CHST8: variants seen among roughly 807,000 people sequenced by gnomAD.
The protein encoded by CHST8 is GALNAC-4-ST1.
In CHST8, 10 loss-of-function variants were observed where a neutral mutation model predicts 15.0. The observed-to-expected ratio is 0.67, with a 90% CI of 0.41 to 1.13. CHST8 has a LOEUF of 1.13. Ranked by LOEUF, CHST8 falls within the 50% of genes most tolerant of loss-of-function variation. The pLI is 0.00. For synonymous variants in CHST8, 259 were observed against 256.6 expected, an observed-to-expected ratio of 1.01 and a Z score of -0.09; for missense variants, 634 against 608.2, an observed-to-expected ratio of 1.04 and a Z score of -0.45.
At chr19:33,623,050 C>G (rs1972006185) in intron 1 of CHST8, among the ~76,000 whole-genome samples, 3 of 152,294 alleles carry the variant, frequency 2.0e-5, no homozygotes, top group South Asian at 2.1e-4. Context: ...GGAGGCCAGC[C>G]GGGCCAGGAG....
chr19:33,770,079 C>T (rs1022670740), intron 3 of CHST8, among the ~76,000 whole-genome samples: 1 of 152,120 alleles, frequency 6.6e-6, no homozygotes, highest in Admixed American at 6.5e-5. Flanking sequence ...ACGGCCTCAG[C>T]CTTACATTGT....
In CHST8 at chr19:33,742,481, C is replaced by T. The variant is rs1404779301; in HGVS notation, c.131-28932C>T. On this transcript the variant is annotated intron_variant, in intron 3 of 4. Coordinates refer to ENST00000650847, the MANE Select transcript of CHST8 (RefSeq NM_001127895.2). ...CAGACTCTTTTAAACAACCAGTTTT[C>T]ATGTGAGTTGACAGAGCAAGAACTC... Among the ~76,000 whole-genome samples the T allele has an allele frequency of 4.6e-5, 7 of 152,266 alleles. No homozygotes were observed. The East Asian group carries it at 1.2e-3, about 25-fold the overall frequency.
rs1568359100 is a variant in CHST8 at position 33,757,587 on chromosome 19, A to AGAAAGAAG, written c.131-13819_131-13818insGGAAAGAA. Reference sequence around the variant, plus strand: ...AAGAAAGAAAGAAAGAAAGAAAGAAAGAAAGAAAGAAAGAAAGAGCCGGCC... The same window carrying AGAAAGAAG: ...AAGAAAGAAAGAAAGAAAGAAAGAAAGAAAGAAGGAAAGAAAGAAAGAAAGAGCCGGCC... On this transcript the variant is annotated intron_variant, in intron 3 of 4. Transcript: ENST00000650847. Among the ~76,000 whole-genome samples, 16 of 144,200 alleles carry AGAAAGAAG rather than the reference A, an allele frequency of 1.1e-4. 1 individual carries two copies. Among genetic ancestry groups the AGAAAGAAG allele is most frequent in the Non-Finnish European group, 2.2e-4 (14 of 65,106 alleles). The allele number at this position is 144,200 out of a possible 152,430, so 94.6% of individuals were successfully genotyped here.
intron 3 of CHST8, among the ~76,000 whole-genome samples, chr19:33,701,858 G>C (rs1973343184): frequency 6.6e-6 from 1 of 152,158 alleles, no homozygotes; most frequent in Non-Finnish European, 1.5e-5. Context: ...TTTACCCAAA[G>C]TCCTGAAGCC....
At chr19:33,761,834 A>G (rs904937820) in intron 3 of CHST8, among the ~76,000 whole-genome samples, 1 of 152,074 alleles carries the variant, frequency 6.6e-6, no homozygotes, top group African/African-American at 2.4e-5. Flanking sequence ...CACTGTCTCA[A>G]AAAAGAAAGG....
chr19:33,673,397 G>A (rs1368373589), intron 2 of CHST8, among the ~76,000 whole-genome samples: 1 of 152,252 alleles, frequency 6.6e-6, no homozygotes, highest in Non-Finnish European at 1.5e-5. Context: ...GACGTTGGCG[G>A]GGACCTAAGG....
chr19:33,772,389 G>A lies in CHST8; in HGVS notation c.601G>A (p.Gly201Ser), dbSNP rs777428741. 1.2e-6 allele frequency: 2 copies of A among 1,609,294 alleles called. No homozygotes were observed. Among genetic ancestry groups the A allele is most frequent in the African/African-American group, 1.3e-5 (1 of 74,934 alleles). Residue 201 changes from glycine (G) to serine (S), a missense_variant, in exon 5 of 5, where the codon GGC becomes AGC. Transcript: ENST00000650847. ...GCTCTACTGCGAGGTGCCCAAGGCC[G>A]GCTGCTCCAATTGGAAGCGGGTGCT... ...RVLYCEVPKAGCSNWKRVLMV... is the reference protein window; with the variant it reads ...RVLYCEVPKASCSNWKRVLMV...
intron 3 of CHST8, among the ~76,000 whole-genome samples, chr19:33,693,794 A>G (rs912842716): frequency 4.6e-5 from 7 of 151,758 alleles, no homozygotes; most frequent in Admixed American, 4.6e-4. Context: ...ACAGGAATTC[A>G]TGGGTGGTTC....
intron 3 of CHST8, among the ~76,000 whole-genome samples, chr19:33,766,930 A>C (rs1361536176): frequency 2.6e-5 from 4 of 152,244 alleles, no homozygotes; most frequent in Non-Finnish European, 5.9e-5. Flanking sequence ...CCAAAAGACC[A>C]AGAAGCACGA....
chr19:33,698,644 A>G (rs969445481), intron 3 of CHST8, among the ~76,000 whole-genome samples: 12 of 152,028 alleles, frequency 7.9e-5, no homozygotes, highest in Admixed American at 7.2e-4. Context: ...TGGGGGTGCC[A>G]TTCACTGGGG....
intron 3 of CHST8, among the ~76,000 whole-genome samples, chr19:33,714,513 C>T (rs1973625206): frequency 6.6e-6 from 1 of 151,890 alleles, no homozygotes; most frequent in Non-Finnish European, 1.5e-5. Flanking sequence ...ATAAGAGGGG[C>T]ACGGGGGAGG....
At chr19:33,632,819 A>C (rs1972139854) in intron 1 of CHST8, among the ~76,000 whole-genome samples, 1 of 151,786 alleles carries the variant, frequency 6.6e-6, no homozygotes, top group African/African-American at 2.4e-5. Context: ...CCCAGGCTGA[A>C]GTGTAGTGGT....
chr19:33,633,128 G>A (rs977492687), intron 1 of CHST8, among the ~76,000 whole-genome samples: 1 of 152,122 alleles, frequency 6.6e-6, no homozygotes, highest in African/African-American at 2.4e-5. Context: ...ACCACACCTG[G>A]CCCCTTGTTT....
intron 3 of CHST8, among the ~76,000 whole-genome samples, chr19:33,733,962 G>A (rs529865587): frequency 2.8e-4 from 43 of 152,332 alleles, no homozygotes; most frequent in African/African-American, 9.6e-4. Context: ...TGAGCAGACA[G>A]CGGTGTCAGA....
chr19:33,744,822 C>T (rs936061596), intron 3 of CHST8, among the ~76,000 whole-genome samples: 53 of 152,138 alleles, frequency 3.5e-4, no homozygotes, highest in African/African-American at 1.1e-3. Flanking sequence ...GATCTCAGCC[C>T]ACTGCAACCT....
intron 3 of CHST8, among the ~76,000 whole-genome samples, chr19:33,721,693 G>T (rs536936012): frequency 1.3e-5 from 2 of 151,874 alleles, no homozygotes; most frequent in African/African-American, 4.8e-5. Context: ...GGGATGGCTG[G>T]GTGGAAGAAT....
At chr19:33,769,325 A>G (rs1488581185) in intron 3 of CHST8, among the ~76,000 whole-genome samples, 1 of 152,244 alleles carries the variant, frequency 6.6e-6, no homozygotes, top group Non-Finnish European at 1.5e-5. Flanking sequence ...TTGCTTTAGA[A>G]AAGGAATATA....
chr19:33,756,029 C>T (rs149377293), intron 3 of CHST8, among the ~76,000 whole-genome samples: 15 of 152,266 alleles, frequency 9.9e-5, no homozygotes, highest in African/African-American at 3.1e-4. Flanking sequence ...AGGCAAACAC[C>T]GGCTTCCAGT....
At chr19:33,722,003 G>A (rs1398763940) in intron 3 of CHST8, among the ~76,000 whole-genome samples, 1 of 149,158 alleles carries the variant, frequency 6.7e-6, no homozygotes, top group Non-Finnish European at 1.5e-5. Flanking sequence ...ATGGATAGAT[G>A]GAAAGATGGA....
Sources: gnomAD v4.1 joint callset for allele counts (sites outside exome capture counted in the v4.1 genomes callset) on GRCh38, gnomAD v4.1.1 for gene constraint, MANE v1.5 for transcripts, NCBI Gene and HGNC (gene_info 2026-07-23, HGNC 2026-07-21) for gene names.